Variants in CPEB2 observed in about 807,000 individuals in gnomAD.
CPEB2 encodes cytoplasmic polyadenylation element binding protein 2, also known as cytoplasmic polyadenylation element-binding protein 2.
CPEB2 carries 56 observed loss-of-function variants against 93.6 expected under a neutral mutation model. The ratio of observed to expected loss-of-function variants is 0.60; its 90% CI spans 0.48 to 0.75. The LOEUF is 0.75. Among genes scored for constraint, CPEB2 ranks in the 30% least tolerant of loss-of-function variants. CPEB2 has a pLI of 0.00. For missense variants in CPEB2, 1,579 were observed against 1,395.1 expected (o/e 1.13, Z -2.10); for synonymous variants, 764 against 586.3 (o/e 1.30, Z -4.38).
intron 3 of CPEB2, among the ~76,000 whole-genome samples, chr4:15,015,954 G>T (rs1472845433): frequency 6.6e-6 from 1 of 151,904 alleles, no homozygotes; most frequent in Non-Finnish European, 1.5e-5. Flanking sequence ...TTATTGTATT[G>T]TCCTACAGAT....
intron 8 of CPEB2, among the ~76,000 whole-genome samples, chr4:15,057,589 G>A (rs1728832985): frequency 6.6e-6 from 1 of 152,158 alleles, no homozygotes; most frequent in South Asian, 2.1e-4. Flanking sequence ...TCACATAATA[G>A]TAAACTTGCA....
chr4:15,050,877 G>A (rs1728160021), intron 6 of CPEB2, among the ~76,000 whole-genome samples: 1 of 152,148 alleles, frequency 6.6e-6, no homozygotes, highest in Non-Finnish European at 1.5e-5. Context: ...CCATGGAGTT[G>A]ACTCCAAATT....
Position 15,003,337 on chromosome 4 carries a change from G to A in CPEB2, c.664G>A (p.Ala222Thr). 2 of 1,399,766 alleles carry A rather than the reference G, an allele frequency of 1.4e-6. No individual in the cohort carries two copies. The highest frequency in any genetic ancestry group is 1.6e-5 in the South Asian group (1 of 60,954). 86.7% of individuals were successfully genotyped at this position (1,399,766 alleles called of 1,614,324 possible). A position where few individuals can be genotyped will look rare whatever the true frequency, so the allele number is the denominator to read the frequency against. ...PPPAGPLLQP[A>T]QLAQRQQQQP... ...GCCAGCCGGCCCGCTCCTCCAGCCG[G>A]CGCAGCTCGCTCAGCGCCAGCAGCA... is the stretch of plus-strand genomic sequence containing the variant. Residue 222 changes from alanine to threonine, a missense_variant, in exon 1 of 12, where the codon GCG (alanine) becomes ACG (threonine). By Grantham distance (58) the Ala-to-Thr change is moderately conservative (BLOSUM62 0). This residue lies in a region of CPEB2 where 1,411 missense variants were observed against 1,056.0 expected (regional missense o/e 1.34). Coordinates refer to ENST00000538197, the MANE Select transcript of CPEB2 (RefSeq NM_001177382.2).
rs970254119 is a variant in CPEB2, at chr4:15,041,689, C to T, written c.2200+1202C>T. ...AAGTGCTGGGATTACAGGCATGAGCCACCTATAGACATGTGCCAGTGCTTC... is the reference window on the plus strand; with the variant it reads ...AAGTGCTGGGATTACAGGCATGAGCTACCTATAGACATGTGCCAGTGCTTC... On this transcript the variant is annotated intron_variant, in intron 6 of 11. Coordinates refer to ENST00000538197, the MANE Select transcript of CPEB2 (RefSeq NM_001177382.2). Among the ~76,000 whole-genome samples the T allele has an allele frequency of 2.0e-5, 3 of 152,142 alleles. No individual in the cohort carries two copies. In the South Asian group the frequency reaches 6.2e-4, roughly 32 times the overall value.
chr4:15,057,910 G>A (rs550168192), intron 8 of CPEB2, among the ~76,000 whole-genome samples: 69 of 152,182 alleles, frequency 4.5e-4, no homozygotes, highest in South Asian at 1.0e-3. Context: ...TTCCAAGTGC[G>A]TTCCAGTCTA....
At position 15,003,429 on chromosome 4, in the gene CPEB2, G is replaced by A; in HGVS notation, c.756G>A (p.Arg252=). The A allele has an allele frequency of 1.5e-6, 2 of 1,354,660 alleles. No homozygotes were observed. The highest frequency in any genetic ancestry group is 1.9e-5 in the South Asian group (1 of 53,440). The allele number at this position is 1,354,660 out of a possible 1,614,324, so 83.9% of individuals were successfully genotyped here. The change falls in exon 1 of 12, where the codon CGG becomes CGA. Residue 252 remains arginine (R), a synonymous_variant. Coordinates refer to ENST00000538197, the MANE Select transcript of CPEB2 (RefSeq NM_001177382.2). ...TCTCGCCGCAGGACTTCGCCCCGCG[G>A]CAGCGTCCGGCAGACCTGCCCCCGC... ...QHLSPQDFAP[R]QRPADLPPLP... is the part of the protein sequence containing the mutation.
At chr4:15,035,234 A>T (rs996124344) in intron 5 of CPEB2, among the ~76,000 whole-genome samples, 3 of 151,882 alleles carry the variant, frequency 2.0e-5, no homozygotes, top group Non-Finnish European at 4.4e-5. Context: ...GTGGTGTAAT[A>T]GTAGCTAGCT....
At chr4:15,062,370 C>A in intron 11 of CPEB2, 110 bp downstream of exon 11, 1 of 688,878 alleles carries the variant, frequency 1.5e-6, no homozygotes, top group Non-Finnish European at 2.3e-6. Flanking sequence ...TTTTATACTT[C>A]TGTAAGTCTT....
At chr4:15,019,725 G>C (rs1283922378) in intron 4 of CPEB2, among the ~76,000 whole-genome samples, 2 of 152,106 alleles carry the variant, frequency 1.3e-5, no homozygotes, top group Non-Finnish European at 2.9e-5. Context: ...TGAAAAAGGA[G>C]AAGGGAGTTG....
intron 4 of CPEB2, among the ~76,000 whole-genome samples, chr4:15,032,567 T>TA (rs79857578): frequency 0.46 from 69,421 of 151,868 alleles, 17,341 homozygotes; most frequent in East Asian, 0.75. Context: ...TAATTTTTTT[T>TA]ATATTTTTAA....
Position 15,066,718 on chromosome 4 carries a change from G to T in CPEB2, c.*338G>T, listed in dbSNP as rs961632616. 1 of 213,674 alleles carries T rather than the reference G, an allele frequency of 4.7e-6. No homozygotes were observed. The highest frequency in any genetic ancestry group is 1.1e-4 in the East Asian group (1 of 8,918). 13.2% of individuals were successfully genotyped at this position (213,674 alleles called of 1,614,324 possible). A position where few individuals can be genotyped will look rare whatever the true frequency, so the allele number is the denominator to read the frequency against. On this transcript the variant is annotated 3_prime_UTR_variant, in exon 12 of 12. Transcript: ENST00000538197. ...TCTGCTGCTATATAGTGGGGGAAGCGTGCACTTATTTCTAAACATGGGTTT... is the reference window on the plus strand; with the variant it reads ...TCTGCTGCTATATAGTGGGGGAAGCTTGCACTTATTTCTAAACATGGGTTT...
rs372095619 is a variant in CPEB2 at position 15,066,104 on chromosome 4, T to C, written c.2878-49T>C. 1.5e-4 allele frequency: 227 copies of C among 1,480,876 alleles called. No homozygotes were observed. In the African/African-American group the frequency reaches 2.7e-3, roughly 18 times the overall value. The allele number at this position is 1,480,876 out of a possible 1,614,324, so 91.7% of individuals were successfully genotyped here. A position where few individuals can be genotyped will look rare whatever the true frequency, so the allele number is the denominator to read the frequency against. On this transcript the variant is annotated intron_variant, in intron 11 of 11. Coordinates refer to ENST00000538197, the MANE Select transcript of CPEB2 (RefSeq NM_001177382.2). ...GAACATTTTAAGTTATTACAGAATT[T>C]GATTTCTGAAGCAGACCCTAATGAG...
At chr4:15,004,992 G>GC (rs1158824678) in intron 1 of CPEB2, 1 of 152,116 alleles carries the variant, frequency 6.6e-6, no homozygotes, top group Non-Finnish European at 1.5e-5. Context: ...TGAAGCCTCA[G>GC]CCCCTCGGGC....
chr4:15,048,338 A>G (rs1236980997), intron 6 of CPEB2, among the ~76,000 whole-genome samples: 4 of 151,874 alleles, frequency 2.6e-5, no homozygotes. Flanking sequence ...AAAGCCATCT[A>G]GGCCTGGATT....
At chr4:15,026,876 G>A (rs1351964190) in intron 4 of CPEB2, among the ~76,000 whole-genome samples, 2 of 152,120 alleles carry the variant, frequency 1.3e-5, no homozygotes, top group Non-Finnish European at 2.9e-5. Flanking sequence ...TCATATGCTT[G>A]TTTCTGAGGC....
intron 3 of CPEB2, among the ~76,000 whole-genome samples, chr4:15,011,344 G>T (rs962266384): frequency 1.3e-5 from 2 of 151,884 alleles, no homozygotes; most frequent in Non-Finnish European, 2.9e-5. Context: ...CATGTAATCC[G>T]CCCGCCTCGG....
chr4:15,038,473 A>G (rs1411014578), intron 5 of CPEB2, among the ~76,000 whole-genome samples: 3 of 152,204 alleles, frequency 2.0e-5, no homozygotes, highest in Non-Finnish European at 4.4e-5. Context: ...GATTAATACC[A>G]TTAGGCTATG....
intron 5 of CPEB2, among the ~76,000 whole-genome samples, chr4:15,034,060 G>A (rs537539964): frequency 1.3e-5 from 2 of 152,260 alleles, no homozygotes; most frequent in East Asian, 3.9e-4. Flanking sequence ...CTAATATTAA[G>A]ACAGAAGGAT....
intron 6 of CPEB2, among the ~76,000 whole-genome samples, chr4:15,046,204 A>G (rs775527066): frequency 3.3e-5 from 5 of 152,134 alleles, no homozygotes; most frequent in Non-Finnish European, 7.4e-5. Flanking sequence ...TTTATACCCC[A>G]GTAGAGTATG....
Sources: gnomAD v4.1 joint callset for allele counts (sites outside exome capture counted in the v4.1 genomes callset) on GRCh38, gnomAD v4.1.1 for gene constraint, gnomAD v4.1.1 regional missense constraint, MANE v1.5 for transcripts, NCBI Gene and HGNC (gene_info 2026-07-23, HGNC 2026-07-21) for gene names.